Variants in GSG1L observed in about 807,000 individuals in gnomAD.
The protein encoded by GSG1L is germ cell-specific gene 1-like protein.
GSG1L carries 24 observed loss-of-function variants against 42.1 expected under a neutral mutation model. The observed-to-expected ratio is 0.57, with a 90% CI of 0.41 to 0.80. The LOEUF is 0.80. Ranked by LOEUF, GSG1L falls within the 30% of genes least tolerant of loss-of-function variation. The pLI is 0.00. For synonymous variants in GSG1L, 215 were observed against 203.5 expected, an observed-to-expected ratio of 1.06 and a Z score of -0.48; for missense variants, 445 against 472.2, an observed-to-expected ratio of 0.94 and a Z score of 0.53.
chr16:27,910,872 G>T (rs139376078), intron 2 of GSG1L, among the ~76,000 whole-genome samples: 26 of 152,230 alleles, frequency 1.7e-4, no homozygotes, highest in African/African-American at 6.0e-4. Flanking sequence ...AACTTGCCAG[G>T]CGTGGTGGCA....
At chr16:28,006,064 G>T (rs767297402) in intron 1 of GSG1L, among the ~76,000 whole-genome samples, 1 of 152,088 alleles carries the variant, frequency 6.6e-6, no homozygotes, top group Non-Finnish European at 1.5e-5. Context: ...AATTCAGCCC[G>T]CTGTTGCTGG....
At chr16:27,883,479 T>A (rs1385797711) in intron 3 of GSG1L, among the ~76,000 whole-genome samples, 2 of 152,178 alleles carry the variant, frequency 1.3e-5, no homozygotes, top group African/African-American at 4.8e-5. Context: ...ATCTGTGGCA[T>A]GTGCTCTAAC....
At chr16:28,025,713 C>T (rs1024174651) in intron 1 of GSG1L, among the ~76,000 whole-genome samples, 3 of 152,170 alleles carry the variant, frequency 2.0e-5, no homozygotes, top group East Asian at 1.9e-4. Context: ...TGTGAAAGAG[C>T]GGGGACCCCA....
chr16:27,842,684 T>A (rs2083399991), intron 4 of GSG1L, among the ~76,000 whole-genome samples: 1 of 152,146 alleles, frequency 6.6e-6, no homozygotes, highest in Admixed American at 6.5e-5. Flanking sequence ...GGGCCAGGGT[T>A]AATGGGTCAA....
chr16:27,941,441 CGG>C (rs907810940), intron 2 of GSG1L, among the ~76,000 whole-genome samples: 7 of 148,944 alleles, frequency 4.7e-5, no homozygotes, highest in African/African-American at 1.7e-4. Flanking sequence ...GAGATCAAGG[CGG>C]GTGGATCACC....
intron 1 of GSG1L, among the ~76,000 whole-genome samples, chr16:28,030,282 A>G (rs1216737769): frequency 1.3e-5 from 2 of 152,162 alleles, no homozygotes; most frequent in African/African-American, 4.8e-5. Flanking sequence ...AGCCTATCAG[A>G]GCACCACATT....
At chr16:27,801,203 T>A (rs1170044236) in intron 6 of GSG1L, among the ~76,000 whole-genome samples, 1 of 151,920 alleles carries the variant, frequency 6.6e-6, no homozygotes, top group Non-Finnish European at 1.5e-5. Context: ...GCCTACGGGG[T>A]TGGGAGCCTG....
At chr16:28,015,534 T>C (rs1328704342) in intron 1 of GSG1L, among the ~76,000 whole-genome samples, 2 of 152,196 alleles carry the variant, frequency 1.3e-5, no homozygotes, top group African/African-American at 4.8e-5. Context: ...ATTTGGTCCC[T>C]GGGCTGTAGC....
At chr16:28,058,001 G>A (rs1443992505) in intron 1 of GSG1L, among the ~76,000 whole-genome samples, 1 of 152,222 alleles carries the variant, frequency 6.6e-6, no homozygotes, top group Non-Finnish European at 1.5e-5. Flanking sequence ...GAGGGAGTGT[G>A]ATTTCTCTGA....
At chr16:27,957,024 G>A (rs897412464) in intron 2 of GSG1L, among the ~76,000 whole-genome samples, 8 of 152,190 alleles carry the variant, frequency 5.3e-5, no homozygotes, top group African/African-American at 1.7e-4. Flanking sequence ...AGGGAAGTAG[G>A]AGAAACTTTT....
intron 6 of GSG1L, among the ~76,000 whole-genome samples, chr16:27,805,827 A>G (rs1409362796): frequency 6.6e-6 from 1 of 151,148 alleles, no homozygotes; most frequent in East Asian, 2.0e-4. Context: ...TGACCCTGAG[A>G]ACTCTCGTTC....
rs1452157815 is a variant in GSG1L at position 27,894,171 on chromosome 16, T to TCAGTCTTC, written c.398-9541_398-9534dup. ...GAAAAGGATACATCGCCATTGAACC[T>TCAGTCTTC]CAGTCTTCTCATCTGCAAATTGGGC... On this transcript the variant is annotated intron_variant, in intron 2 of 6. Coordinates refer to ENST00000447459, the MANE Select transcript of GSG1L (RefSeq NM_001109763.2). 3.3e-5 allele frequency among the ~76,000 whole-genome samples: 5 copies of TCAGTCTTC among 152,334 alleles called. No individual in the cohort carries two copies. The East Asian group carries it at 9.6e-4, about 29-fold the overall frequency.
chr16:27,873,534 C>T (rs1305241032), intron 3 of GSG1L, among the ~76,000 whole-genome samples: 1 of 152,138 alleles, frequency 6.6e-6, no homozygotes, highest in African/African-American at 2.4e-5. Flanking sequence ...AAGATGATAA[C>T]AACAAAGATC....
chr16:27,864,727 G>A (rs969684476), intron 3 of GSG1L, among the ~76,000 whole-genome samples: 1 of 152,180 alleles, frequency 6.6e-6, no homozygotes, highest in African/African-American at 2.4e-5. Context: ...CAAAATGGAG[G>A]TTGCAAAGCC....
At chr16:27,820,985 T>A (rs1352494220) in intron 5 of GSG1L, among the ~76,000 whole-genome samples, 1 of 152,120 alleles carries the variant, frequency 6.6e-6, no homozygotes, top group African/African-American at 2.4e-5. Context: ...GTGCCTGAAA[T>A]AGCCTTCCTC....
At chr16:27,871,173 C>A (rs1005864553) in intron 3 of GSG1L, among the ~76,000 whole-genome samples, 4 of 152,070 alleles carry the variant, frequency 2.6e-5, no homozygotes, top group African/African-American at 9.7e-5. Flanking sequence ...TCCGAGTTGT[C>A]GTGACTTGGG....
chr16:27,877,548 C>T (rs536501965), intron 3 of GSG1L, among the ~76,000 whole-genome samples: 2 of 152,204 alleles, frequency 1.3e-5, no homozygotes, highest in African/African-American at 4.8e-5. Flanking sequence ...GAGAAGGTGA[C>T]CAAGGGAGCC....
chr16:27,963,295 C>A, intron 1 of GSG1L, 92 bp from the exon 2 acceptor site: 1 of 1,086,148 alleles, frequency 9.2e-7, no homozygotes, highest in East Asian at 2.4e-5. Context: ...CTGGAGCAAG[C>A]CAGTGTCTCT....
At chr16:27,957,268 A>T (rs2085016866) in intron 2 of GSG1L, among the ~76,000 whole-genome samples, 1 of 152,176 alleles carries the variant, frequency 6.6e-6, no homozygotes, top group African/African-American at 2.4e-5. Flanking sequence ...AATCACTTGA[A>T]CCCAGGAGGT....
Sources: allele counts gnomAD v4.1 joint callset (sites outside exome capture counted in the v4.1 genomes callset), GRCh38; gene constraint gnomAD v4.1.1; transcripts MANE v1.5; gene names NCBI Gene and HGNC (gene_info 2026-07-23, HGNC 2026-07-21).